The following LHFPL3 variants were observed in gnomAD, a reference collection of about 807,000 sequenced individuals.
LHFPL3 encodes LHFPL tetraspan subfamily member 3.
LHFPL3 carries 5 observed loss-of-function variants against 19.3 expected under a neutral mutation model. The ratio of observed to expected loss-of-function variants is 0.26; its 90% CI spans 0.14 to 0.54. The LOEUF (loss-of-function observed/expected upper bound fraction) is 0.54. LHFPL3 is among the 20% of genes least tolerant of loss of function. The probability of loss-of-function intolerance (pLI) is 0.94; values close to 1 mark genes in which losing one functional copy is unlikely to be tolerated. For synonymous variants in LHFPL3, 133 were observed against 126.2 expected (o/e 1.05, Z -0.36); for missense variants, 249 against 307.4 (o/e 0.81, Z 1.42).
intron 1 of LHFPL3, among the ~76,000 whole-genome samples, chr7:104,437,615 C>G (rs1178910103): frequency 1.3e-5 from 2 of 152,224 alleles, no homozygotes; most frequent in Non-Finnish European, 2.9e-5. Flanking sequence ...CAAACCCCTT[C>G]TCCAGTTTGA....
intron 1 of LHFPL3, among the ~76,000 whole-genome samples, chr7:104,638,921 C>T (rs10953438): frequency 0.39 from 59,251 of 151,320 alleles, 12,243 homozygotes; most frequent in East Asian, 0.62. Context: ...ACACGCCTCA[C>T]CACACCCAGC....
At chr7:104,429,301 C>T (rs1300325055) in intron 1 of LHFPL3, among the ~76,000 whole-genome samples, 5 of 84,528 alleles carry the variant, frequency 5.9e-5, no homozygotes, top group South Asian at 4.2e-4. Flanking sequence ...TATGTCATTC[C>T]TTTTTTTTTT....
chr7:104,639,414 G>A (rs1396434979), intron 1 of LHFPL3, among the ~76,000 whole-genome samples: 1 of 152,140 alleles, frequency 6.6e-6, no homozygotes, highest in Admixed American at 6.6e-5. Context: ...TGTGGAGTCA[G>A]TGGTAATGTC....
intron 2 of LHFPL3, chr7:104,757,792 G>A (rs1794312169): frequency 6.6e-6 from 1 of 152,166 alleles, no homozygotes; most frequent in African/African-American, 2.4e-5. Context: ...AAAGCAGTTT[G>A]GAGATTTCTC....
chr7:104,429,590 A>T (rs1791916716), intron 1 of LHFPL3, among the ~76,000 whole-genome samples: 1 of 151,900 alleles, frequency 6.6e-6, no homozygotes, highest in Admixed American at 6.6e-5. Context: ...TGCTGGGATT[A>T]CAGGCATGAG....
intron 1 of LHFPL3, among the ~76,000 whole-genome samples, chr7:104,688,426 T>C (rs1044448498): frequency 4.6e-5 from 7 of 152,176 alleles, no homozygotes; most frequent in Non-Finnish European, 8.8e-5. Context: ...AGGTGTCTAC[T>C]GTTAAAGTGA....
chr7:104,862,427 A>G (rs1051156161), intron 2 of LHFPL3, among the ~76,000 whole-genome samples: 2 of 152,184 alleles, frequency 1.3e-5, no homozygotes, highest in Non-Finnish European at 2.9e-5. Flanking sequence ...CTGGGTAGGC[A>G]GTGTTATCTC....
At chr7:104,851,772 G>A (rs549585237) in intron 2 of LHFPL3, among the ~76,000 whole-genome samples, 1 of 152,224 alleles carries the variant, frequency 6.6e-6, no homozygotes, top group Non-Finnish European at 1.5e-5. Flanking sequence ...TTTGACAAGA[G>A]CAAAGTAAGA....
At chr7:104,709,958 A>C (rs1397367531) in intron 1 of LHFPL3, among the ~76,000 whole-genome samples, 1 of 152,160 alleles carries the variant, frequency 6.6e-6, no homozygotes, top group Non-Finnish European at 1.5e-5. Context: ...GCACTTTGGG[A>C]GGCCAAGGCA....
rs73417613 is a variant in LHFPL3, at chr7:104,815,098, C to G, written c.682+78187C>G. Reference sequence around the variant, plus strand: ...GAAAGTGGGACTCCCGCCTGCCCCCCAACCCCGAGAGCACGAGGATGCATG... The same window carrying G: ...GAAAGTGGGACTCCCGCCTGCCCCCGAACCCCGAGAGCACGAGGATGCATG... On this transcript the variant is annotated intron_variant, in intron 2 of 2. Coordinates refer to ENST00000424859, the MANE Select transcript of LHFPL3 (RefSeq NM_199000.3). Among the ~76,000 whole-genome samples the G allele has an allele frequency of 6.1e-3, 928 of 152,290 alleles. 13 individuals are homozygous for G. Among genetic ancestry groups the G allele is most frequent in the African/African-American group, 0.021 (883 of 41,570 alleles).
intron 1 of LHFPL3, among the ~76,000 whole-genome samples, chr7:104,379,659 G>A (rs972502268): frequency 6.6e-6 from 1 of 152,118 alleles, no homozygotes; most frequent in African/African-American, 2.4e-5. Context: ...ATCAGTCAAT[G>A]CTCCTAGGGC....
At chr7:104,357,015 C>G (rs950102078) in intron 1 of LHFPL3, among the ~76,000 whole-genome samples, 1 of 132,556 alleles carries the variant, frequency 7.5e-6, no homozygotes, top group Non-Finnish European at 1.6e-5. Flanking sequence ...AATTTGGGGA[C>G]TTGGGGTCCC....
At chr7:104,430,422 A>ATG (rs1562895223) in intron 1 of LHFPL3, among the ~76,000 whole-genome samples, 4 of 10,844 alleles carry the variant, frequency 3.7e-4, no homozygotes, top group Non-Finnish European at 6.1e-4. Flanking sequence ...ATATATACAT[A>ATG]TATATATATA....
intron 1 of LHFPL3, among the ~76,000 whole-genome samples, chr7:104,428,836 A>G (rs1446369402): frequency 6.6e-6 from 1 of 152,222 alleles, no homozygotes; most frequent in African/African-American, 2.4e-5. Context: ...GAAGTCTAAT[A>G]GATAATTATT....
chr7:104,459,532 A>G (rs377115183), intron 1 of LHFPL3, among the ~76,000 whole-genome samples: 1 of 152,178 alleles, frequency 6.6e-6, no homozygotes, highest in Non-Finnish European at 1.5e-5. Flanking sequence ...TTAATCTGCT[A>G]TGGGGGATGT....
chr7:104,608,206 T>TCG (rs1791141996), intron 1 of LHFPL3, among the ~76,000 whole-genome samples: 1 of 152,020 alleles, frequency 6.6e-6, no homozygotes, highest in African/African-American at 2.4e-5. Context: ...CGTATGTTTA[T>TCG]TGCAGCACTA....
At chr7:104,693,678 T>A (rs1792946096) in intron 1 of LHFPL3, among the ~76,000 whole-genome samples, 1 of 151,958 alleles carries the variant, frequency 6.6e-6, no homozygotes. Context: ...TGTGAGTCAA[T>A]TAAACCTCTT....
At chr7:104,589,526 T>C (rs557709080) in intron 1 of LHFPL3, among the ~76,000 whole-genome samples, 1 of 152,248 alleles carries the variant, frequency 6.6e-6, no homozygotes, top group Non-Finnish European at 1.5e-5. Context: ...GTATTTTTTT[T>C]AGGATTTTTG....
intron 2 of LHFPL3, among the ~76,000 whole-genome samples, chr7:104,903,384 C>T (rs1017186357): frequency 6.6e-6 from 1 of 152,018 alleles, no homozygotes; most frequent in Non-Finnish European, 1.5e-5. Context: ...GAGGACTACC[C>T]TCCTGACCCC....
Sources: allele counts gnomAD v4.1 joint callset (sites outside exome capture counted in the v4.1 genomes callset), GRCh38; gene constraint gnomAD v4.1.1; transcripts MANE v1.5; gene names NCBI Gene and HGNC (gene_info 2026-07-23, HGNC 2026-07-21).